The following EPHB1 variants were observed in gnomAD, a reference collection of about 807,000 sequenced individuals.
The protein encoded by EPHB1 is ephrin type-B receptor 1.
A neutral mutation model predicts 94.4 loss-of-function variants in EPHB1; 30 were observed. That is an observed-to-expected ratio of 0.32 (90% CI 0.24 to 0.43). The LOEUF is 0.43. Ranked by LOEUF, EPHB1 falls within the 20% of genes least tolerant of loss-of-function variation. The pLI, the probability that EPHB1 is intolerant of heterozygous loss-of-function variation, is 1.00. For missense variants in EPHB1, 1,055 were observed against 1,308.3 expected, an observed-to-expected ratio of 0.81 and a Z score of 2.99; for synonymous variants, 522 against 489.1, an observed-to-expected ratio of 1.07 and a Z score of -0.89.
At chr3:135,059,162 G>T (rs1254829723) in intron 3 of EPHB1, among the ~76,000 whole-genome samples, 1 of 152,226 alleles carries the variant, frequency 6.6e-6, no homozygotes, top group Non-Finnish European at 1.5e-5. Flanking sequence ...CTATTCTGTG[G>T]TAAAACTGGG....
chr3:134,946,591 T>C (rs1165444533), intron 2 of EPHB1, among the ~76,000 whole-genome samples: 2 of 152,132 alleles, frequency 1.3e-5, no homozygotes, highest in Admixed American at 1.3e-4. Context: ...CCCAATCTCA[T>C]ATTAAAGCAT....
At chr3:134,968,311 G>C (rs1383521772) in intron 3 of EPHB1, among the ~76,000 whole-genome samples, 1 of 152,202 alleles carries the variant, frequency 6.6e-6, no homozygotes, top group East Asian at 1.9e-4. Context: ...AACAAGCCAG[G>C]AGGTAATTTT....
chr3:135,169,475 A>C (rs1941743737), intron 9 of EPHB1, among the ~76,000 whole-genome samples: 1 of 152,184 alleles, frequency 6.6e-6, no homozygotes, highest in Non-Finnish European at 1.5e-5. Flanking sequence ...TTTGCACCCA[A>C]GTTCTCTAAA....
intron 3 of EPHB1, among the ~76,000 whole-genome samples, chr3:135,024,530 G>A (rs1936082479): frequency 6.6e-6 from 1 of 152,178 alleles, no homozygotes; most frequent in Non-Finnish European, 1.5e-5. Context: ...CCCAGCCAGA[G>A]CAGAGCACGT....
intron 2 of EPHB1, among the ~76,000 whole-genome samples, chr3:134,947,855 T>TG (rs1487448425): frequency 2.0e-5 from 3 of 152,198 alleles, no homozygotes; most frequent in Non-Finnish European, 4.4e-5. Context: ...AGTACAGTGG[T>TG]GCGAGCATGG....
At chr3:135,007,686 A>G (rs932242731) in intron 3 of EPHB1, among the ~76,000 whole-genome samples, 2 of 152,144 alleles carry the variant, frequency 1.3e-5, no homozygotes, top group Non-Finnish European at 2.9e-5. Flanking sequence ...TATAATTTAC[A>G]TTTGTCCTGT....
intron 1 of EPHB1, among the ~76,000 whole-genome samples, chr3:134,876,171 C>A (rs2037613086): frequency 6.6e-6 from 1 of 152,194 alleles, no homozygotes; most frequent in Admixed American, 6.5e-5. Flanking sequence ...CTTCTCCACC[C>A]CTTCCTCACC....
chr3:134,965,499 A>G (rs1315940499), intron 3 of EPHB1, among the ~76,000 whole-genome samples: 1 of 152,174 alleles, frequency 6.6e-6, no homozygotes, highest in Non-Finnish European at 1.5e-5. Context: ...CCGGAGTTCG[A>G]GGCTGAAGTG....
chr3:134,849,868 G>A (rs2036945685), intron 1 of EPHB1, among the ~76,000 whole-genome samples: 1 of 152,128 alleles, frequency 6.6e-6, no homozygotes, highest in African/African-American at 2.4e-5. Context: ...GCCTTTACTG[G>A]GCTGGGCTGG....
intron 3 of EPHB1, among the ~76,000 whole-genome samples, chr3:135,051,296 T>A (rs1384124627): frequency 6.6e-6 from 1 of 152,206 alleles, no homozygotes; most frequent in East Asian, 1.9e-4. Flanking sequence ...CAAGCTAGAT[T>A]GGCAGGGTCA....
chr3:134,824,360 T>C (rs1310341232), intron 1 of EPHB1, among the ~76,000 whole-genome samples: 1 of 152,104 alleles, frequency 6.6e-6, no homozygotes, highest in Non-Finnish European at 1.5e-5. Flanking sequence ...ACAGTGCCAG[T>C]TGGTGCACAC....
chr3:135,091,742 T>TTG (rs1319931020), intron 3 of EPHB1, among the ~76,000 whole-genome samples: 2 of 152,092 alleles, frequency 1.3e-5, no homozygotes, highest in Admixed American at 6.5e-5. Flanking sequence ...ACACAGTTGC[T>TTG]TGTGTGTGTG....
At chr3:135,227,556 C>G (rs934601733) in intron 12 of EPHB1, among the ~76,000 whole-genome samples, 7 of 152,148 alleles carry the variant, frequency 4.6e-5, no homozygotes, top group Non-Finnish European at 7.3e-5. Context: ...TTCAGCGCCT[C>G]ACTTCATGCC....
chr3:135,206,699 A>C (rs1156511213), intron 12 of EPHB1, among the ~76,000 whole-genome samples: 2 of 152,162 alleles, frequency 1.3e-5, no homozygotes, highest in Non-Finnish European at 1.5e-5. Context: ...AATCCAAAAA[A>C]TTAGCTAGGT....
chr3:135,005,766 C>T (rs1935382289), intron 3 of EPHB1, among the ~76,000 whole-genome samples: 1 of 152,248 alleles, frequency 6.6e-6, no homozygotes, highest in South Asian at 2.1e-4. Flanking sequence ...AAAGGGAACT[C>T]CCTGACCCCT....
intron 3 of EPHB1, among the ~76,000 whole-genome samples, chr3:134,987,867 G>A (rs1934657568): frequency 6.6e-6 from 1 of 152,150 alleles, no homozygotes; most frequent in South Asian, 2.1e-4. Flanking sequence ...AAACAGCCCT[G>A]CTGATACCTT....
chr3:134,935,848 T>C (rs1341049011), intron 2 of EPHB1, among the ~76,000 whole-genome samples: 1 of 152,196 alleles, frequency 6.6e-6, no homozygotes, highest in Non-Finnish European at 1.5e-5. Flanking sequence ...ACTATTACAC[T>C]AATCATCACG....
chr3:134,971,648 G>A (rs1018454267), intron 3 of EPHB1, among the ~76,000 whole-genome samples: 1 of 152,142 alleles, frequency 6.6e-6, no homozygotes, highest in East Asian at 1.9e-4. Context: ...CTCAATGCAG[G>A]GACACTAGTC....
intron 15 of EPHB1, among the ~76,000 whole-genome samples, chr3:135,257,907 A>G (rs576617049): frequency 6.6e-6 from 1 of 152,144 alleles, no homozygotes; most frequent in South Asian, 2.1e-4. Context: ...GTGGGATATA[A>G]TCTCGTGGTG....
Sources: allele counts gnomAD v4.1 joint callset (sites outside exome capture counted in the v4.1 genomes callset), GRCh38; gene constraint gnomAD v4.1.1; transcripts MANE v1.5; gene names NCBI Gene and HGNC (gene_info 2026-07-23, HGNC 2026-07-21).